CORO2A: variants seen among roughly 807,000 people sequenced by gnomAD.
The protein encoded by CORO2A is coronin-2A.
CORO2A carries 47 observed loss-of-function variants against 62.4 expected under a neutral mutation model. The ratio of observed to expected loss-of-function variants is 0.75; its 90% CI spans 0.60 to 0.96. The LOEUF (loss-of-function observed/expected upper bound fraction) is 0.96, where lower values mean the gene tolerates loss of function less well. CORO2A is among the 40% of genes least tolerant of loss of function. The pLI, the probability that CORO2A is intolerant of heterozygous loss-of-function variation, is 0.00. For synonymous variants in CORO2A, 273 were observed against 268.9 expected, an observed-to-expected ratio of 1.02 and a Z score of -0.15; for missense variants, 610 against 684.1, an observed-to-expected ratio of 0.89 and a Z score of 1.21.
intron 3 of CORO2A, among the ~76,000 whole-genome samples, chr9:98,137,061 C>A (rs1827497252): frequency 6.6e-6 from 1 of 152,120 alleles, no homozygotes; most frequent in South Asian, 2.1e-4. Flanking sequence ...AAATAAGTAA[C>A]ACTGAACATT....
At chr9:98,139,632 T>A (rs1003965834) in intron 2 of CORO2A, among the ~76,000 whole-genome samples, 2 of 151,186 alleles carry the variant, frequency 1.3e-5, no homozygotes, top group African/African-American at 4.9e-5. Context: ...GTCTCAAAAA[T>A]AAATAAATAA....
intron 1 of CORO2A, among the ~76,000 whole-genome samples, chr9:98,165,924 A>C (rs1827953329): frequency 6.6e-6 from 1 of 152,188 alleles, no homozygotes; most frequent in Non-Finnish European, 1.5e-5. Context: ...CCCAGGTTCA[A>C]GTTTGAGACT....
chr9:98,164,755 A>C (rs976888530), intron 1 of CORO2A, among the ~76,000 whole-genome samples: 1 of 152,086 alleles, frequency 6.6e-6, no homozygotes, highest in Non-Finnish European at 1.5e-5. Flanking sequence ...GTCTCACCCC[A>C]CAGGGTAATT....
intron 2 of CORO2A, among the ~76,000 whole-genome samples, chr9:98,143,310 G>A (rs1827599646): frequency 6.6e-6 from 1 of 152,240 alleles, no homozygotes; most frequent in Non-Finnish European, 1.5e-5. Context: ...GAGAGGTTGT[G>A]AGGCCACTGT....
At chr9:98,136,817 C>G (rs1395249056) in intron 3 of CORO2A, among the ~76,000 whole-genome samples, 1 of 152,120 alleles carries the variant, frequency 6.6e-6, no homozygotes, top group Non-Finnish European at 1.5e-5. Context: ...GTGACAATGA[C>G]TTTTATCTTT....
In CORO2A at chr9:98,122,268, T is replaced by G. The variant is rs1166121473; in HGVS notation, c.*2506A>C. ...TCTTCACTGTACTGCAGATCACCTG[T>G]GGAGCTTATATGACCATACAGGCCC... On this transcript the variant is annotated 3_prime_UTR_variant, in exon 12 of 12. Transcript: ENST00000375077. The G allele has an allele frequency of 1.3e-5, 2 of 152,226 alleles. No individual in the cohort carries two copies. The highest frequency in any genetic ancestry group is 2.9e-5 in the Non-Finnish European group (2 of 68,054). 9.4% of individuals were successfully genotyped at this position (152,226 alleles called of 1,614,324 possible).
chr9:98,140,762 G>C (rs1827554259), intron 2 of CORO2A, among the ~76,000 whole-genome samples: 1 of 152,102 alleles, frequency 6.6e-6, no homozygotes, highest in Admixed American at 6.6e-5. Context: ...CATTTTAGTA[G>C]CTCTGCAAAC....
At chr9:98,129,710 A>G in intron 8 of CORO2A, 84 bp downstream of exon 8, 1 of 1,024,876 alleles carries the variant, frequency 9.8e-7, no homozygotes, top group Non-Finnish European at 1.5e-6. Flanking sequence ...CAGACCCCGC[A>G]CTGAAGCCCT....
At chr9:98,189,593 A>C (rs918125380) in intron 1 of CORO2A, among the ~76,000 whole-genome samples, 1 of 152,198 alleles carries the variant, frequency 6.6e-6, no homozygotes, top group Non-Finnish European at 1.5e-5. Context: ...GCTCAAACAA[A>C]TTCAGCAACT....
At chr9:98,182,638 C>T (rs751609880) in intron 1 of CORO2A, among the ~76,000 whole-genome samples, 7 of 152,194 alleles carry the variant, frequency 4.6e-5, no homozygotes, top group Non-Finnish European at 8.8e-5. Flanking sequence ...GTTCAAAGCC[C>T]AGCTTTGCCT....
chr9:98,130,822 G>C, intron 7 of CORO2A, 133 bp downstream of exon 7: 1 of 687,846 alleles, frequency 1.5e-6, no homozygotes, highest in Non-Finnish European at 2.5e-6. Flanking sequence ...GGGTGGGAGG[G>C]GTTCCTTCTC....
intron 2 of CORO2A, among the ~76,000 whole-genome samples, chr9:98,151,745 C>T (rs892809855): frequency 2.6e-5 from 4 of 152,138 alleles, no homozygotes; most frequent in Admixed American, 6.5e-5. Flanking sequence ...TCACTGCAAC[C>T]TCCGCCTCCT....
At chr9:98,169,947 C>A (rs533748132) in intron 1 of CORO2A, among the ~76,000 whole-genome samples, 36 of 152,208 alleles carry the variant, frequency 2.4e-4, no homozygotes, top group Admixed American at 1.5e-3. Flanking sequence ...TCTCTCCATC[C>A]CATGAGGTCC....
At chr9:98,173,881 C>A (rs1828072390) in intron 1 of CORO2A, among the ~76,000 whole-genome samples, 1 of 152,148 alleles carries the variant, frequency 6.6e-6, no homozygotes, top group South Asian at 2.1e-4. Flanking sequence ...CTTTGGGAGG[C>A]TGAGGCGGGC....
rs980950184 is a variant in CORO2A, at chr9:98,167,626, C to T, written c.1-9966G>A. On this transcript the variant is annotated intron_variant, in intron 1 of 11. Coordinates refer to ENST00000375077, the MANE Select transcript of CORO2A (RefSeq NM_052820.4). ...GCAATGTGTGGATCCTGTGTGGATC[C>T]GGATTCACACAAACCAATTGCAAAA... is the stretch of plus-strand genomic sequence containing the variant. 5.3e-5 allele frequency among the ~76,000 whole-genome samples: 8 copies of T among 150,648 alleles called. No individual in the cohort carries two copies. In the East Asian group the frequency reaches 1.2e-3, roughly 22 times the overall value.
intron 1 of CORO2A, among the ~76,000 whole-genome samples, chr9:98,161,849 C>T (rs73657108): frequency 0.02 from 3,099 of 152,082 alleles, 75 homozygotes; most frequent in African/African-American, 0.056. Context: ...CCCTTCCGGA[C>T]CCTCTGAGCT....
intron 8 of CORO2A, 49 bp from the exon 9 acceptor site, chr9:98,128,768 C>T: frequency 6.6e-7 from 1 of 1,520,400 alleles, no homozygotes; most frequent in Non-Finnish European, 9.1e-7. Context: ...GCTGGGGCCA[C>T]AGTGTTAGGG....
chr9:98,142,707 G>A (rs567899515), intron 2 of CORO2A, among the ~76,000 whole-genome samples: 9 of 151,776 alleles, frequency 5.9e-5, no homozygotes, highest in East Asian at 5.8e-4. Context: ...AGGGTTGGGC[G>A]TGGCTCAGAA....
intron 1 of CORO2A, among the ~76,000 whole-genome samples, chr9:98,168,665 G>A (rs10985279): frequency 0.097 from 14,816 of 152,280 alleles, 983 homozygotes; most frequent in East Asian, 0.31. Context: ...TTCAAAAGAC[G>A]TTGGCTAGTA....
Sources: gnomAD v4.1 joint callset for allele counts (sites outside exome capture counted in the v4.1 genomes callset) on GRCh38, gnomAD v4.1.1 for gene constraint, MANE v1.5 for transcripts, NCBI Gene and HGNC (gene_info 2026-07-23, HGNC 2026-07-21) for gene names.